Variants in DMD observed in about 807,000 individuals in gnomAD.
DMD encodes mutant dystrophin.
Under a neutral mutation model 330.1 loss-of-function variants are expected in DMD, and 63 were observed. That is an observed-to-expected ratio of 0.19 (90% CI 0.16 to 0.24). The LOEUF is 0.24. Among genes scored for constraint, DMD ranks in the 10% least tolerant of loss-of-function variants. DMD has a pLI of 1.00. For synonymous variants in DMD, 1,223 were observed against 959.8 expected (o/e 1.27, Z -5.07); for missense variants, 3,344 against 2,684.1 (o/e 1.25, Z -5.43).
chrX:32,927,126 G>T (rs367760662), intron 2 of DMD, among the ~76,000 whole-genome samples: 5 of 110,536 alleles, frequency 4.5e-5, no homozygotes, highest in East Asian at 5.7e-4. Context: ...TCTCTACTTC[G>T]TCTACTGGGA....
chrX:33,244,051 G>A (rs1205951201), intron 1 of DMD, among the ~76,000 whole-genome samples: 5 of 111,511 alleles, frequency 4.5e-5, no homozygotes, highest in South Asian at 3.7e-4. Flanking sequence ...TTATGTCATC[G>A]GCACACAGGG....
At chrX:32,823,435 T>C (rs2078443372) in intron 4 of DMD, 48 bp from the exon 5 acceptor site, 1 of 814,004 alleles carries the variant, frequency 1.2e-6, no homozygotes, top group Non-Finnish European at 1.9e-6. Flanking sequence ...ACCAAATGCC[T>C]AGTTGCAATA....
chrX:31,670,544 G>GGAGGCTA (rs2081700758), intron 53 of DMD, among the ~76,000 whole-genome samples: 2 of 111,946 alleles, frequency 1.8e-5, no homozygotes, highest in Admixed American at 1.9e-4. Flanking sequence ...TCAGACTTCT[G>GGAGGCTA]GAGGCTAGAT....
At chrX:33,323,490 T>A (rs1311682636) in intron 1 of DMD, among the ~76,000 whole-genome samples, 2 of 111,798 alleles carry the variant, frequency 1.8e-5, no homozygotes, top group Non-Finnish European at 3.8e-5. Flanking sequence ...TATGGGGTTA[T>A]AGGGTGAAAG....
intron 45 of DMD, among the ~76,000 whole-genome samples, chrX:31,962,586 A>G (rs2095316403): frequency 1.8e-5 from 2 of 112,390 alleles, no homozygotes; most frequent in African/African-American, 6.5e-5. Flanking sequence ...TGGTGCCAAG[A>G]GAAAATATAG....
chrX:32,595,952 G>A, intron 12 of DMD, 76 bp from the exon 13 acceptor site: 3 of 939,662 alleles, frequency 3.2e-6, no homozygotes, highest in South Asian at 4.0e-5. Context: ...CTCTCAAATG[G>A]TGAAATTTAT....
intron 62 of DMD, among the ~76,000 whole-genome samples, chrX:31,317,988 C>A (rs12008257): frequency 0.16 from 17,729 of 111,497 alleles, 1,114 homozygotes; most frequent in Non-Finnish European, 0.2. Flanking sequence ...AATACAGGTA[C>A]TGAAATAGCA....
rs60739281 is a variant in DMD at position 32,558,938 on chromosome X, C to CTTT, written c.1992+6761_1992+6763dup. On this transcript the variant is annotated intron_variant, in intron 16 of 78. Coordinates refer to ENST00000357033, the MANE Select transcript of DMD (RefSeq NM_004006.3). ...TATTTGAGATGTAACTTCAAATTTT[C>CTTT]TTTTTTTTTTTTTTTTTTTTTTTTT... Among the ~76,000 whole-genome samples the CTTT allele has an allele frequency of 9.9e-3, 502 of 50,800 alleles. 66 individuals carry two copies. Among genetic ancestry groups the CTTT allele is most frequent in the Non-Finnish European group, 0.011 (350 of 32,088 alleles). 44.1% of individuals were successfully genotyped at this position (50,800 alleles called of 115,157 possible).
chrX:33,205,533 T>C (rs1174789131), intron 1 of DMD, among the ~76,000 whole-genome samples: 1 of 112,048 alleles, frequency 8.9e-6, no homozygotes, highest in East Asian at 2.8e-4. Flanking sequence ...AAGAGACAAG[T>C]TGAGTGCAAA....
intron 2 of DMD, among the ~76,000 whole-genome samples, chrX:33,009,492 GTATA>G (rs1569548958): frequency 5.9e-5 from 5 of 85,443 alleles, no homozygotes; most frequent in South Asian, 5.5e-4. Flanking sequence ...ACACATGTGT[GTATA>G]TGTATATGTG....
chrX:31,582,991 G>A (rs1255960734), intron 55 of DMD, among the ~76,000 whole-genome samples: 1 of 112,141 alleles, frequency 8.9e-6, no homozygotes, highest in Non-Finnish European at 1.9e-5. Context: ...GAGGCAGTAG[G>A]GGATTTCAGT....
At chrX:31,939,476 A>G (rs1023353423) in intron 45 of DMD, among the ~76,000 whole-genome samples, 1 of 112,213 alleles carries the variant, frequency 8.9e-6, no homozygotes, top group African/African-American at 3.2e-5. Context: ...CTGTATGGAA[A>G]GTAAGTCCAA....
intron 55 of DMD, among the ~76,000 whole-genome samples, chrX:31,587,974 G>A (rs1010567771): frequency 9.0e-6 from 1 of 110,826 alleles, no homozygotes. Context: ...TCAAAATCAT[G>A]GAAGAACTTT....
chrX:33,198,334 T>C (rs1007300900), intron 1 of DMD, among the ~76,000 whole-genome samples: 5 of 110,962 alleles, frequency 4.5e-5, no homozygotes, highest in Non-Finnish European at 1.9e-5. Context: ...TACTAGTTCT[T>C]TGAGACTTTA....
intron 4 of DMD, among the ~76,000 whole-genome samples, chrX:32,835,956 G>A (rs894367331): frequency 9.0e-6 from 1 of 110,548 alleles, no homozygotes; most frequent in African/African-American, 3.3e-5. Context: ...TATAGAATTA[G>A]GAGGCTGTTC....
At chrX:33,328,946 T>C (rs2054129274) in intron 1 of DMD, among the ~76,000 whole-genome samples, 1 of 111,531 alleles carries the variant, frequency 9.0e-6, no homozygotes, top group Non-Finnish European at 1.9e-5. Context: ...CATATAAAAA[T>C]GTAAAGATCT....
chrX:33,234,300 C>T (rs1226382175), intron 1 of DMD, among the ~76,000 whole-genome samples: 1 of 111,576 alleles, frequency 9.0e-6, no homozygotes, highest in Non-Finnish European at 1.9e-5. Flanking sequence ...ATAGTATGAG[C>T]ATGCAACGGT....
At chrX:31,919,175 A>G (rs1164787840) in intron 47 of DMD, among the ~76,000 whole-genome samples, 1 of 111,975 alleles carries the variant, frequency 8.9e-6, no homozygotes, top group South Asian at 3.7e-4. Flanking sequence ...TGATGAAAAT[A>G]AAACAATAAA....
chrX:33,108,769 G>C (rs2095313533), intron 1 of DMD, among the ~76,000 whole-genome samples: 1 of 102,695 alleles, frequency 9.7e-6, no homozygotes, highest in Admixed American at 1.1e-4. Context: ...ATGAGGCTGA[G>C]GCAGGAGAAT....
Sources: gnomAD v4.1 joint callset for allele counts (sites outside exome capture counted in the v4.1 genomes callset) on GRCh38, gnomAD v4.1.1 for gene constraint, MANE v1.5 for transcripts, NCBI Gene and HGNC (gene_info 2026-07-23, HGNC 2026-07-21) for gene names.